Variants in PREX1 observed in about 807,000 individuals in gnomAD.
PREX1 encodes the protein phosphatidylinositol-3,4,5-trisphosphate dependent Rac exchange factor 1, also known as phosphatidylinositol 3,4,5-trisphosphate-dependent Rac exchanger 1 protein.
Under a neutral mutation model 198.3 loss-of-function variants are expected in PREX1, and 41 were observed. The ratio of observed to expected loss-of-function variants is 0.21; its 90% CI spans 0.16 to 0.27. The LOEUF is 0.27. Ranked by LOEUF, PREX1 falls within the 10% of genes least tolerant of loss-of-function variation. PREX1 has a pLI of 1.00. For synonymous variants in PREX1, 843 were observed against 887.2 expected (o/e 0.95, Z 0.89); for missense variants, 1,620 against 2,200.7 (o/e 0.74, Z 5.28).
At chr20:48,739,875 A>G (rs1163880412) in intron 3 of PREX1, among the ~76,000 whole-genome samples, 1 of 152,232 alleles carries the variant, frequency 6.6e-6, no homozygotes, top group African/African-American at 2.4e-5. Flanking sequence ...AATGGGTACA[A>G]TAATAGTAAC....
chr20:48,853,059 G>A, the PREX1 span, among the ~76,000 whole-genome samples: 1 of 152,166 alleles, frequency 6.6e-6, no homozygotes, highest in Non-Finnish European at 1.5e-5. Flanking sequence ...GAAACTGAGT[G>A]GATGGGTGAC....
At chr20:48,783,660 C>T (rs2090299877) in intron 1 of PREX1, among the ~76,000 whole-genome samples, 1 of 152,092 alleles carries the variant, frequency 6.6e-6, no homozygotes, top group Non-Finnish European at 1.5e-5. Context: ...ACCGAGAGCC[C>T]ACAGCACCCT....
chr20:48,652,316 C>T (rs1024950380), intron 21 of PREX1, among the ~76,000 whole-genome samples: 1 of 151,894 alleles, frequency 6.6e-6, no homozygotes, highest in Non-Finnish European at 1.5e-5. Flanking sequence ...TGGTGGTACA[C>T]GCTTGTGATC....
chr20:48,675,606 G>A (rs1055284506), intron 14 of PREX1, among the ~76,000 whole-genome samples: 24 of 152,162 alleles, frequency 1.6e-4, no homozygotes, highest in African/African-American at 5.6e-4. Flanking sequence ...GGTGCTCATC[G>A]GGACTGGAGG....
intron 1 of PREX1, among the ~76,000 whole-genome samples, chr20:48,754,397 A>G (rs998374361): frequency 6.6e-6 from 1 of 152,176 alleles, no homozygotes; most frequent in Non-Finnish European, 1.5e-5. Context: ...GACTGTGGAC[A>G]ATGAACCGCA....
the PREX1 span, among the ~76,000 whole-genome samples, chr20:48,880,789 A>C: frequency 3.9e-5 from 6 of 152,098 alleles, no homozygotes; most frequent in African/African-American, 1.4e-4. Context: ...ATAGGCCACT[A>C]GTCATTTCTG....
chr20:48,784,087 A>G (rs138787836), intron 1 of PREX1, among the ~76,000 whole-genome samples: 108 of 152,306 alleles, frequency 7.1e-4, no homozygotes, highest in African/African-American at 2.3e-3. Flanking sequence ...AAACAAATAA[A>G]GACCCAGGAG....
the PREX1 span, among the ~76,000 whole-genome samples, chr20:48,855,575 C>A: frequency 0.12 from 18,012 of 152,138 alleles, 1,252 homozygotes; most frequent in Non-Finnish European, 0.16. Flanking sequence ...GCTCATGGAG[C>A]TGACACTCCG....
chr20:48,668,826 C>T (rs963998674), intron 14 of PREX1, among the ~76,000 whole-genome samples: 2 of 152,296 alleles, frequency 1.3e-5, no homozygotes, highest in African/African-American at 4.8e-5. Context: ...CGTGAGGGGC[C>T]GGCAGTGGGG....
chr20:48,796,222 G>C (rs1231374516), intron 1 of PREX1, among the ~76,000 whole-genome samples: 3 of 151,772 alleles, frequency 2.0e-5, no homozygotes, highest in Non-Finnish European at 2.9e-5. Flanking sequence ...GAAGTGGCAT[G>C]TGTCTGTCCC....
chr20:48,655,378 G>A lies in PREX1; in HGVS notation c.2124-3C>T. Reference sequence around the variant, plus strand: ...GCTGGTCGGGGATTTTGATGATCCTGCACCAGGTAGAAGAGGCAGGGAAAA... The same window carrying A: ...GCTGGTCGGGGATTTTGATGATCCTACACCAGGTAGAAGAGGCAGGGAAAA... On this transcript the variant is annotated splice_polypyrimidine_tract_variant and splice_region_variant and intron_variant, in intron 18 of 39. Transcript: ENST00000371941. 1 of 1,554,992 alleles carries A rather than the reference G, an allele frequency of 6.4e-7. No individual in the cohort carries two copies. Among genetic ancestry groups the A allele is most frequent in the Non-Finnish European group, 8.7e-7 (1 of 1,144,278 alleles).
intron 1 of PREX1, among the ~76,000 whole-genome samples, chr20:48,790,164 A>G (rs144982948): frequency 5.3e-5 from 8 of 152,356 alleles, no homozygotes; most frequent in African/African-American, 1.9e-4. Context: ...AAATGGGACA[A>G]TAGGAACACT....
At chr20:48,745,812 C>T (rs1222305961) in intron 2 of PREX1, among the ~76,000 whole-genome samples, 3 of 152,164 alleles carry the variant, frequency 2.0e-5, no homozygotes, top group Admixed American at 1.3e-4. Context: ...CCCACCACCC[C>T]GCCACACACA....
At chr20:48,676,412 C>T (rs1278452277) in intron 13 of PREX1, 144 bp from the exon 14 acceptor site, 12 of 724,664 alleles carry the variant, frequency 1.7e-5, no homozygotes, top group Non-Finnish European at 2.6e-5. Context: ...AGTCTCAGCC[C>T]AGACTCCACA....
At chr20:48,740,681 A>G (rs758417785) in intron 3 of PREX1, among the ~76,000 whole-genome samples, 3 of 152,240 alleles carry the variant, frequency 2.0e-5, no homozygotes, top group Non-Finnish European at 4.4e-5. Flanking sequence ...ATCCTCCGTG[A>G]GCAGGCAGGA....
In PREX1 at chr20:48,767,467, C is replaced by T. The variant is rs147175964; in HGVS notation, c.220-19587G>A. ...GTGTCAGACAAGCTGGTTCAAGTCC[C>T]CACCTGTCAGCGGGGGAGGGTACGT... On this transcript the variant is annotated intron_variant, in intron 1 of 39. Transcript: ENST00000371941. Among the ~76,000 whole-genome samples the T allele has an allele frequency of 2.6e-3, 401 of 152,234 alleles. 3 individuals are homozygous for T. Among genetic ancestry groups the T allele is most frequent in the Middle Eastern group, 0.017 (5 of 294 alleles).
upstream of PREX1, among the ~76,000 whole-genome samples, chr20:48,828,630 C>G (rs1248218703): frequency 6.6e-6 from 1 of 152,178 alleles, no homozygotes; most frequent in Non-Finnish European, 1.5e-5. Context: ...AAGGAACATG[C>G]GTGGCGCGCG....
At chr20:48,649,167 C>G in intron 25 of PREX1, 133 bp downstream of exon 25, 1 of 1,296,026 alleles carries the variant, frequency 7.7e-7, no homozygotes, top group Non-Finnish European at 1.0e-6. Context: ...GAAAAAGATA[C>G]TGCTAAATAG....
intron 1 of PREX1, among the ~76,000 whole-genome samples, chr20:48,788,749 C>A (rs1204233645): frequency 6.6e-6 from 1 of 152,224 alleles, no homozygotes; most frequent in Non-Finnish European, 1.5e-5. Context: ...TAAGAGGTGA[C>A]TGGCTCATAA....
Sources: allele counts gnomAD v4.1 joint callset (sites outside exome capture counted in the v4.1 genomes callset), GRCh38; gene constraint gnomAD v4.1.1; transcripts MANE v1.5; gene names NCBI Gene and HGNC (gene_info 2026-07-23, HGNC 2026-07-21).